Variants in CELSR1 observed in about 807,000 individuals in gnomAD.
CELSR1 encodes the protein cadherin EGF LAG seven-pass G-type receptor 1, also known as adhesion G protein-coupled receptor C1.
Under a neutral mutation model 249.1 loss-of-function variants are expected in CELSR1, and 110 were observed. The observed-to-expected ratio is 0.44, with a 90% CI of 0.38 to 0.52. CELSR1 has a LOEUF of 0.52. CELSR1 is among the 20% of genes least tolerant of loss of function. CELSR1 has a pLI of 0.00. For missense variants in CELSR1, 4,109 were observed against 4,296.4 expected, an observed-to-expected ratio of 0.96 and a Z score of 1.22; for synonymous variants, 2,113 against 1,900.0, an observed-to-expected ratio of 1.11 and a Z score of -2.92.
In CELSR1 at chr22:46,409,138, C is replaced by T; in HGVS notation, c.5084G>A (p.Ser1695Asn). Reference protein sequence around the residue: ...EQAMPHPQLFSGESVVSWSDL... With the variant: ...EQAMPHPQLFNGESVVSWSDL... ...ACTCCAGGACACGACGCTCTCACCG[C>T]TGAAGAGCTGGGGGTGAGGCATGGC... Residue 1695 changes from serine (S) to asparagine (N), a missense_variant, in exon 9 of 35, where the codon AGC (serine) becomes AAC (asparagine). Physicochemically the swap from Ser to Asn is conservative, Grantham distance 46. Coordinates refer to ENST00000674500, the MANE Select transcript of CELSR1 (RefSeq NM_001378328.1). This position sits in a 1 kb window ranked among gnomAD's most constrained non-coding sequence, Gnocchi z 9.8. The T allele has an allele frequency of 1.9e-6, 3 of 1,613,332 alleles. No homozygotes were observed. Among genetic ancestry groups the T allele is most frequent in the South Asian group, 2.2e-5 (2 of 90,914 alleles).
rs1462154311 is a variant in CELSR1 at position 46,367,069 on chromosome 22, T to C, written c.8129A>G (p.Lys2710Arg). The C allele has an allele frequency of 1.9e-6, 3 of 1,611,490 alleles. No homozygotes were observed. The African/African-American group carries it at 4.0e-5, about 22-fold the overall frequency. The change falls in exon 29 of 35, where the codon AAG becomes AGG. Residue 2710 changes from lysine (K) to arginine (R), a missense_variant. This residue lies in a region of CELSR1 where 1,805 missense variants were observed against 1,831.6 expected (regional missense o/e 0.99). Transcript: ENST00000674500. Reference sequence around the variant, plus strand: ...CCCGCCGAGCACGCCCTTCAGGTGCTTCCGGACCTCCTGGTTGAGCACGCA... The same window carrying C: ...CCCGCCGAGCACGCCCTTCAGGTGCCTCCGGACCTCCTGGTTGAGCACGCA... ...FHCVLNQEVR[K>R]HLKGVLGGRK...
intron 2 of CELSR1, among the ~76,000 whole-genome samples, chr22:46,460,211 A>ACCCACACC (rs200173937): frequency 0.021 from 3,178 of 148,948 alleles, 84 homozygotes; most frequent in South Asian, 0.036. Context: ...ACACACACAC[A>ACCCACACC]CACACCCATT....
chr22:46,533,720 A>G lies in CELSR1; in HGVS notation c.3451T>C (p.Leu1151=), dbSNP rs2080816461. ...TCGCCCGTGGCGGGGTCCAGCAGCA[A>G]CAGGCGCAGCTCGTTGCCCTGCACG... ...TFVQGNELRL[L]LLDPATGELQ... is the part of the protein sequence containing the mutation. The change falls in exon 1 of 35, where the codon TTG becomes CTG. Residue 1151 remains leucine, a synonymous_variant. Transcript: ENST00000674500. The G allele has an allele frequency of 1.2e-6, 2 of 1,612,950 alleles. No individual in the cohort carries two copies. The highest frequency in any genetic ancestry group is 2.2e-5 in the East Asian group (1 of 44,878).
At chr22:46,400,723 G>A (rs1006666998) in intron 9 of CELSR1, among the ~76,000 whole-genome samples, 1 of 152,076 alleles carries the variant, frequency 6.6e-6, no homozygotes, top group African/African-American at 2.4e-5. Context: ...AAGCCAAGGC[G>A]GGTGGATTGC....
At chr22:46,373,803 G>C (rs1314125735) in intron 24 of CELSR1, among the ~76,000 whole-genome samples, 1 of 152,160 alleles carries the variant, frequency 6.6e-6, no homozygotes, top group Admixed American at 6.5e-5. Context: ...TGGACACACT[G>C]TCTAATCCTC....
chr22:46,407,635 A>AAAAAAC lies in CELSR1; in HGVS notation c.5226+1360_5226+1361insGTTTTT, dbSNP rs377719260. 1.6e-4 allele frequency among the ~76,000 whole-genome samples: 25 copies of AAAAAAC among 152,264 alleles called. No homozygotes were observed. Among genetic ancestry groups the AAAAAAC allele is most frequent in the African/African-American group, 6.0e-4 (25 of 41,550 alleles). Reference sequence around the variant, plus strand: ...CAACAAGAGCAAAACTTTATCTCAAAAAAACAAAACAAAACAAAACAAAAA... The same window carrying AAAAAAC: ...CAACAAGAGCAAAACTTTATCTCAAAAAAAACAAAACAAAACAAAACAAAACAAAAA... On this transcript the variant is annotated intron_variant, in intron 9 of 34. Coordinates refer to ENST00000674500, the MANE Select transcript of CELSR1 (RefSeq NM_001378328.1). This position sits in a 1 kb window ranked among gnomAD's most constrained non-coding sequence, Gnocchi z 4.8.
chr22:46,387,049 C>T lies in CELSR1; in HGVS notation c.6556-464G>A, dbSNP rs533929044. ...CTGGGATTACAGGCGTGAGCCACCA[C>T]GCCTGGCCTAGTTCCCAAATATTTT... is the stretch of plus-strand genomic sequence containing the variant. On this transcript the variant is annotated intron_variant, in intron 18 of 34. Transcript: ENST00000674500. 1.6e-3 allele frequency among the ~76,000 whole-genome samples: 243 copies of T among 152,184 alleles called. 2 individuals are homozygous for T. The highest frequency in any genetic ancestry group is 6.8e-3 in the Middle Eastern group (2 of 294).
intron 30 of CELSR1, 79 bp downstream of exon 30, chr22:46,366,307 G>A: frequency 8.8e-7 from 1 of 1,132,830 alleles, no homozygotes; most frequent in Non-Finnish European, 1.3e-6. Flanking sequence ...TTGAATGGCA[G>A]GACACAGGTT....
At position 46,401,996 on chromosome 22, in the gene CELSR1, G is replaced by A. The variant is rs1364674481; in HGVS notation, c.5227-2094C>T. 1.3e-5 allele frequency among the ~76,000 whole-genome samples: 2 copies of A among 152,042 alleles called. No individual in the cohort carries two copies. Among genetic ancestry groups the A allele is most frequent in the African/African-American group, 2.4e-5 (1 of 41,404 alleles). On this transcript the variant is annotated intron_variant, in intron 9 of 34. Transcript: ENST00000674500. The surrounding 1 kb of genome is among the most constrained non-coding windows in gnomAD (Gnocchi z 4.7). ...CCAGCTGCTTGGGAGGCTGAGACAG[G>A]AGAATTGCTTGAACTCGGGAGGCGG...
At chr22:46,368,409 G>A (rs746509531) in intron 27 of CELSR1, among the ~76,000 whole-genome samples, 9 of 150,622 alleles carry the variant, frequency 6.0e-5, no homozygotes, top group African/African-American at 1.2e-4. Context: ...CAGACCCCCC[G>A]TGCACCCCCA....
intron 18 of CELSR1, among the ~76,000 whole-genome samples, chr22:46,388,695 A>C (rs1384318341): frequency 1.3e-5 from 2 of 152,212 alleles, no homozygotes; most frequent in Non-Finnish European, 2.9e-5. Flanking sequence ...GAGCCCCCGA[A>C]AGCAGTTTCC....
rs766658417 is a variant in CELSR1, at chr22:46,394,286, C to CT, written c.5844-25dup. 3 of 1,606,576 alleles carry CT rather than the reference C, an allele frequency of 1.9e-6. No homozygotes were observed. The South Asian group carries it at 3.3e-5, about 18-fold the overall frequency. ...GTCTGTGGGGAAAATAAGAGGGCAG[C>CT]TGGAAGGTTTATGTAACTGTGCTTT... On this transcript the variant is annotated intron_variant, in intron 13 of 34. Transcript: ENST00000674500.
At chr22:46,515,903 T>A (rs183955197) in intron 1 of CELSR1, among the ~76,000 whole-genome samples, 35 of 152,246 alleles carry the variant, frequency 2.3e-4, no homozygotes, top group African/African-American at 7.9e-4. Flanking sequence ...AAAACCACAA[T>A]GAGATATCAT....
At chr22:46,507,149 G>A (rs2080523021) in intron 1 of CELSR1, among the ~76,000 whole-genome samples, 1 of 152,166 alleles carries the variant, frequency 6.6e-6, no homozygotes, top group Admixed American at 6.5e-5. Flanking sequence ...CCGCACCACT[G>A]CACTCCAGCC....
chr22:46,364,991 G>A (rs542258746), intron 32 of CELSR1, among the ~76,000 whole-genome samples: 17 of 152,314 alleles, frequency 1.1e-4, no homozygotes, highest in South Asian at 6.2e-4. Flanking sequence ...TGGACCTTGC[G>A]GTGACAGTCC....
At chr22:46,504,214 G>GA (rs1169413817) in intron 1 of CELSR1, among the ~76,000 whole-genome samples, 1 of 152,056 alleles carries the variant, frequency 6.6e-6, no homozygotes, top group Non-Finnish European at 1.5e-5. Context: ...GCAATTCACA[G>GA]AAAAAACAGG....
chr22:46,453,755 G>C, intron 2 of CELSR1, among the ~76,000 whole-genome samples: 1 of 152,178 alleles, frequency 6.6e-6, no homozygotes, highest in East Asian at 1.9e-4. Context: ...CAGCAGCCCT[G>C]GGTCCAGATC....
At chr22:46,394,065 CGTGT>C (rs886180633) in intron 14 of CELSR1, 73 bp downstream of exon 14, 138 of 1,547,368 alleles carry the variant, frequency 8.9e-5, no homozygotes, top group Non-Finnish European at 1.1e-4. Context: ...TATGTGAAGG[CGTGT>C]GTGTATTTAG....
chr22:46,536,575 G>A lies in CELSR1; in HGVS notation c.596C>T (p.Ala199Val). Residue 199 changes from alanine to valine, a missense_variant, in exon 1 of 35, where the codon GCG becomes GTG. Coordinates refer to ENST00000674500, the MANE Select transcript of CELSR1 (RefSeq NM_001378328.1). ...RAAGAVRVGL[A>V]LEAATAGTPS... ...CGTCCCCGCGGTGGCGGCCTCCAGC[G>A]CCAGTCCCACCCGGACGGCGCCAGC... 1.6e-6 allele frequency: 2 copies of A among 1,281,642 alleles called. No homozygotes were observed. The highest frequency in any genetic ancestry group is 2.0e-6 in the Non-Finnish European group (2 of 1,019,700). 79.4% of individuals were successfully genotyped at this position (1,281,642 alleles called of 1,614,324 possible).
Sources: allele counts gnomAD v4.1 joint callset (sites outside exome capture counted in the v4.1 genomes callset), GRCh38; gene constraint gnomAD v4.1.1; regional missense constraint gnomAD v4.1.1; non-coding constraint Gnocchi (gnomAD v3.1); transcripts MANE v1.5; gene names NCBI Gene and HGNC (gene_info 2026-07-23, HGNC 2026-07-21).